Variants in PIGL observed in about 807,000 individuals in gnomAD.
The protein encoded by PIGL is N-acetylglucosaminyl-phosphatidylinositol de-N-acetylase.
PIGL carries 22 observed loss-of-function variants against 31.1 expected under a neutral mutation model. That is an observed-to-expected ratio of 0.71 (90% CI 0.51 to 1.01). The LOEUF (loss-of-function observed/expected upper bound fraction) is 1.01. Among genes scored for constraint, PIGL ranks in the 50% least tolerant of loss-of-function variants. The probability of loss-of-function intolerance (pLI) is 0.00; values close to 1 mark genes in which losing one functional copy is unlikely to be tolerated. For missense variants in PIGL, 302 were observed against 315.9 expected (o/e 0.96, Z 0.33); for synonymous variants, 131 against 117.4 (o/e 1.12, Z -0.75).
At chr17:16,311,437 G>A (rs1193145957) in intron 3 of PIGL, among the ~76,000 whole-genome samples, 1 of 90,348 alleles carries the variant, frequency 1.1e-5, no homozygotes, top group Non-Finnish European at 2.3e-5. Context: ...CCCAATAAGT[G>A]GTAAAGCCCA....
intron 2 of PIGL, among the ~76,000 whole-genome samples, chr17:16,297,486 T>C (rs2142830865): frequency 6.6e-6 from 1 of 152,346 alleles, no homozygotes; most frequent in East Asian, 1.9e-4. Flanking sequence ...ATATTACTGG[T>C]GTATTCCCTC....
chr17:16,232,501 A>G (rs1007136879), intron 1 of PIGL, among the ~76,000 whole-genome samples: 1 of 152,182 alleles, frequency 6.6e-6, no homozygotes, highest in African/African-American at 2.4e-5. Context: ...CCTTGACTTC[A>G]GCTTCCAGAA....
intron 4 of PIGL, among the ~76,000 whole-genome samples, chr17:16,316,269 C>T (rs1039120026): frequency 2.0e-5 from 3 of 152,110 alleles, no homozygotes; most frequent in South Asian, 2.1e-4. Flanking sequence ...AGAAGGTAGG[C>T]GTAGGGAAGC....
chr17:16,262,512 G>A (rs1022832135), intron 2 of PIGL, among the ~76,000 whole-genome samples: 3 of 152,088 alleles, frequency 2.0e-5, no homozygotes, highest in African/African-American at 7.2e-5. Flanking sequence ...CAGTTCGGCG[G>A]TTCCTCAAAA....
intron 1 of PIGL, among the ~76,000 whole-genome samples, chr17:16,227,143 C>G (rs948981183): frequency 4.0e-5 from 6 of 151,658 alleles, no homozygotes; most frequent in Non-Finnish European, 5.9e-5. Flanking sequence ...GAGTCTCCCT[C>G]TGTCACCCAG....
At chr17:16,251,750 G>GA (rs1169022866) in intron 2 of PIGL, among the ~76,000 whole-genome samples, 2 of 151,726 alleles carry the variant, frequency 1.3e-5, no homozygotes, top group African/African-American at 4.8e-5. Flanking sequence ...CACTGTGCTA[G>GA]ATGCTGAAGA....
intron 3 of PIGL, among the ~76,000 whole-genome samples, chr17:16,302,801 T>C (rs1162984624): frequency 2.5e-4 from 1 of 4,054 alleles, no homozygotes; most frequent in Non-Finnish European, 1.3e-3. Context: ...GGTTTCACCA[T>C]GTTGCCAGGA....
chr17:16,311,813 A>G (rs2093051839), intron 3 of PIGL, among the ~76,000 whole-genome samples: 2 of 152,044 alleles, frequency 1.3e-5, no homozygotes, highest in African/African-American at 4.8e-5. Flanking sequence ...AGGCAGAAGA[A>G]TTTTTCTTAG....
chr17:16,313,512 A>G (rs1366249700), intron 3 of PIGL, 35 bp from the exon 4 acceptor site: 2 of 1,498,412 alleles, frequency 1.3e-6, no homozygotes, highest in Non-Finnish European at 1.9e-6. Context: ...GGTGGTGGAG[A>G]AGGCATTCAG....
intron 2 of PIGL, among the ~76,000 whole-genome samples, chr17:16,240,251 G>A (rs1309125258): frequency 6.6e-6 from 1 of 152,052 alleles, no homozygotes; most frequent in African/African-American, 2.4e-5. Context: ...AGCTTCCTGA[G>A]GCCTCCTCAA....
At chr17:16,222,779 A>G (rs2092635221) in intron 1 of PIGL, among the ~76,000 whole-genome samples, 1 of 151,930 alleles carries the variant, frequency 6.6e-6, no homozygotes, top group African/African-American at 2.4e-5. Context: ...TGGGAGGCCG[A>G]GACAGGTGCA....
chr17:16,259,837 G>A (rs1273447932), intron 2 of PIGL, among the ~76,000 whole-genome samples: 2 of 152,180 alleles, frequency 1.3e-5, no homozygotes, highest in African/African-American at 4.8e-5. Context: ...CAGGGCCAGT[G>A]CAGCTGCAGC....
chr17:16,226,761 T>G (rs1439107428), intron 1 of PIGL, among the ~76,000 whole-genome samples: 1 of 152,212 alleles, frequency 6.6e-6, no homozygotes, highest in East Asian at 1.9e-4. Context: ...GTTCATCCAG[T>G]GAAGGTATTG....
chr17:16,325,706 C>T (rs896926269), intron 6 of PIGL, 94 bp from the exon 7 acceptor site: 1 of 908,502 alleles, frequency 1.1e-6, no homozygotes, highest in Admixed American at 1.9e-5. Context: ...CATATTAGTT[C>T]GAGGAAGGAT....
chr17:16,313,553 A>G lies in PIGL; in HGVS notation c.433A>G (p.Thr145Ala). 2 of 1,613,316 alleles carry G rather than the reference A, an allele frequency of 1.2e-6. No individual in the cohort carries two copies. Among genetic ancestry groups the G allele is most frequent in the South Asian group, 2.2e-5 (2 of 91,070 alleles). ...ACCCTGTGTTTCTCTACAGGTGGTG[A>G]CTTTCGATGCAGGGGGAGTAAGTGG... is the stretch of plus-strand genomic sequence containing the variant. ...IEVNGINLVV[T>A]FDAGGVSGHS... The change falls in exon 4 of 7, where the codon ACT (threonine) becomes GCT (alanine). Residue 145 changes from threonine to alanine, a missense_variant. Thr to Ala is a moderately conservative substitution (Grantham distance 58, BLOSUM62 0). Coordinates refer to ENST00000225609, the MANE Select transcript of PIGL (RefSeq NM_004278.4).
intron 2 of PIGL, among the ~76,000 whole-genome samples, chr17:16,260,032 A>T (rs2092812875): frequency 6.6e-6 from 1 of 152,202 alleles, no homozygotes; most frequent in Admixed American, 6.5e-5. Flanking sequence ...CAGTGCACGC[A>T]TGCTCAGGGC....
chr17:16,263,018 T>C (rs548477794), intron 2 of PIGL, among the ~76,000 whole-genome samples: 4 of 147,922 alleles, frequency 2.7e-5, no homozygotes, highest in South Asian at 4.3e-4. Context: ...AGCAAATCCA[T>C]AGAAACAGAG....
At chr17:16,264,859 T>C (rs2092835610) in intron 2 of PIGL, among the ~76,000 whole-genome samples, 1 of 152,048 alleles carries the variant, frequency 6.6e-6, no homozygotes, top group Non-Finnish European at 1.5e-5. Context: ...ACTCCTGACC[T>C]CAGGTGACCC....
chr17:16,248,776 C>T (rs1416691940), intron 2 of PIGL, among the ~76,000 whole-genome samples: 1 of 152,184 alleles, frequency 6.6e-6, no homozygotes, highest in Non-Finnish European at 1.5e-5. Context: ...CTTCACAGTA[C>T]TAAAATCTGT....
Sources: allele counts gnomAD v4.1 joint callset (sites outside exome capture counted in the v4.1 genomes callset), GRCh38; gene constraint gnomAD v4.1.1; transcripts MANE v1.5; gene names NCBI Gene and HGNC (gene_info 2026-07-23, HGNC 2026-07-21).